MICAL3: variants seen among roughly 807,000 people sequenced by gnomAD.
MICAL3 encodes the protein microtubule associated monooxygenase, calponin and LIM domain containing 3, also known as [F-actin]-monooxygenase MICAL3.
A neutral mutation model predicts 207.4 loss-of-function variants in MICAL3; 62 were observed. The observed-to-expected ratio is 0.30, with a 90% CI of 0.24 to 0.37. The LOEUF (loss-of-function observed/expected upper bound fraction) is 0.37. Among genes scored for constraint, MICAL3 ranks in the 10% least tolerant of loss-of-function variants. The pLI is 1.00. For synonymous variants in MICAL3, 1,077 were observed against 1,069.3 expected (o/e 1.01, Z -0.14); for missense variants, 2,368 against 2,635.6 (o/e 0.90, Z 2.22).
At chr22:17,838,175 T>C (rs1433479531) in intron 20 of MICAL3, among the ~76,000 whole-genome samples, 1 of 152,236 alleles carries the variant, frequency 6.6e-6, no homozygotes, top group Non-Finnish European at 1.5e-5. Flanking sequence ...ATTAAAGTGG[T>C]GTTTCTCAAA....
chr22:18,006,893 G>A (rs1433340776), intron 1 of MICAL3, among the ~76,000 whole-genome samples: 1 of 152,206 alleles, frequency 6.6e-6, no homozygotes, highest in East Asian at 1.9e-4. Context: ...GTCCCTCTCA[G>A]CCACCCGGAC....
intron 19 of MICAL3, among the ~76,000 whole-genome samples, chr22:17,859,776 C>G (rs894935694): frequency 6.6e-6 from 1 of 152,216 alleles, no homozygotes; most frequent in Non-Finnish European, 1.5e-5. Flanking sequence ...GTGCCTGGCT[C>G]TATGTCCCTA....
chr22:17,880,221 C>T (rs1373997502), intron 16 of MICAL3, among the ~76,000 whole-genome samples: 2 of 152,202 alleles, frequency 1.3e-5, no homozygotes, highest in Admixed American at 6.5e-5. Context: ...GCATTGCTTA[C>T]TATGCGGCTC....
At chr22:17,950,337 GTTTTTTTT>G (rs764642603) in intron 1 of MICAL3, among the ~76,000 whole-genome samples, 1,796 of 89,382 alleles carry the variant, frequency 0.02, 49 homozygotes, top group African/African-American at 0.063. Flanking sequence ...TTTTGTTTTT[GTTTTTTTT>G]TTTTTTTTTT....
chr22:17,955,791 G>C (rs1207487035), intron 1 of MICAL3, among the ~76,000 whole-genome samples: 1 of 152,178 alleles, frequency 6.6e-6, no homozygotes, highest in East Asian at 1.9e-4. Flanking sequence ...AGTGGGAGGT[G>C]GAAATAGATC....
At chr22:17,959,439 C>T (rs568087330) in intron 1 of MICAL3, among the ~76,000 whole-genome samples, 2 of 152,182 alleles carry the variant, frequency 1.3e-5, no homozygotes, top group South Asian at 2.1e-4. Context: ...CTCAGCCTCC[C>T]GAGTAGCTGG....
chr22:17,829,394 C>T (rs1052852912), intron 21 of MICAL3, among the ~76,000 whole-genome samples: 3 of 152,160 alleles, frequency 2.0e-5, no homozygotes, highest in Admixed American at 6.5e-5. Context: ...GTCTCAAACT[C>T]CCGATCTCAG....
intron 23 of MICAL3, 121 bp from the exon 24 acceptor site, chr22:17,822,291 G>A: frequency 3.9e-6 from 5 of 1,289,090 alleles, no homozygotes; most frequent in South Asian, 1.5e-5. Context: ...CAGGCCTGGA[G>A]GCCCTTCTTA....
intron 29 of MICAL3, among the ~76,000 whole-genome samples, chr22:17,795,039 G>T (rs755307011): frequency 7.2e-5 from 11 of 152,230 alleles, no homozygotes; most frequent in Non-Finnish European, 4.4e-5. Flanking sequence ...GCAGCTGCAT[G>T]AATACAGGTG....
Position 17,817,724 on chromosome 22 carries a change from C to T in MICAL3, c.4937G>A (p.Arg1646Gln), listed in dbSNP as rs200399949. ...AGTGGGGCGTGTGGGGGAGTCAGGC[C>T]GGCGCTCCTTGCCCTGGGAGGGTGC... is the stretch of plus-strand genomic sequence containing the variant. ...SSAPSQGKER[R>Q]PDSPTRPTLR... Residue 1646 changes from arginine (R) to glutamine (Q), a missense_variant, in exon 26 of 32, where the codon CGG becomes CAG. Transcript: ENST00000441493. 5.7e-6 allele frequency: 9 copies of T among 1,591,256 alleles called. No individual in the cohort carries two copies. Among genetic ancestry groups the T allele is most frequent in the South Asian group, 1.1e-5 (1 of 88,046 alleles).
At chr22:17,978,039 TAATAAAATAA>T (rs1041057843) in intron 1 of MICAL3, among the ~76,000 whole-genome samples, 1 of 140,972 alleles carries the variant, frequency 7.1e-6, no homozygotes, top group Non-Finnish European at 1.5e-5. Flanking sequence ...AATAAATAAA[TAATAAAATAA>T]AATAAAATAA....
chr22:17,861,267 C>T (rs1240394607), intron 19 of MICAL3: 5 of 985,292 alleles, frequency 5.1e-6, no homozygotes, highest in Admixed American at 6.2e-5. Context: ...ATTCAGGATC[C>T]GAACTATGGA....
rs1931363872 is a variant in MICAL3 at position 17,902,032 on chromosome 22, C to A, written c.590-53G>T. The stretch of plus-strand genomic sequence containing the variant: ...GTCACCACCCAGACCACATTCACAG[C>A]CAGGACCATCTCTAGATACCCAGTC... On this transcript the variant is annotated intron_variant, in intron 4 of 31. Coordinates refer to ENST00000441493, the MANE Select transcript of MICAL3 (RefSeq NM_015241.3). The surrounding 1 kb of genome is among the most constrained non-coding windows in gnomAD (Gnocchi z 4.5). The A allele has an allele frequency of 1.6e-5, 21 of 1,297,296 alleles. No individual in the cohort carries two copies. In the South Asian group the frequency reaches 2.7e-4, roughly 17 times the overall value. The allele number at this position is 1,297,296 out of a possible 1,614,324, so 80.4% of individuals were successfully genotyped here.
At chr22:17,950,060 G>C (rs1285542373) in intron 1 of MICAL3, among the ~76,000 whole-genome samples, 2 of 152,208 alleles carry the variant, frequency 1.3e-5, no homozygotes, top group East Asian at 3.8e-4. Flanking sequence ...GAGAAGTGTG[G>C]GCAGTGTGTC....
At position 17,889,209 on chromosome 22, in the gene MICAL3, C is replaced by T. The variant is rs767145962; in HGVS notation, c.1716G>A (p.Glu572=). ...PDLIDFDSLD[E]QNVEKNNQLA... is the part of the protein sequence containing the mutation. The stretch of plus-strand genomic sequence containing the variant: ...GTTGGTTATTCTTCTCCACATTTTG[C>T]TCATCCAAAGAATCAAAATCTCTGA... The change falls in exon 13 of 32, where the codon GAG becomes GAA. Residue 572 remains glutamate, a synonymous_variant. Coordinates refer to ENST00000441493, the MANE Select transcript of MICAL3 (RefSeq NM_015241.3). 5 of 1,612,318 alleles carry T rather than the reference C, an allele frequency of 3.1e-6. No individual in the cohort carries two copies. Among genetic ancestry groups the T allele is most frequent in the Non-Finnish European group, 4.2e-6 (5 of 1,178,504 alleles).
At chr22:18,001,589 A>C (rs1483925259) in intron 1 of MICAL3, 6 of 152,284 alleles carry the variant, frequency 3.9e-5, no homozygotes, top group African/African-American at 1.4e-4. Flanking sequence ...CGGGGGCGAG[A>C]TATCTCAGTA....
In MICAL3 at chr22:17,817,514, C is replaced by T; in HGVS notation, c.5147G>A (p.Gly1716Asp). The T allele has an allele frequency of 6.2e-7, 1 of 1,613,612 alleles. No individual in the cohort carries two copies. The highest frequency in any genetic ancestry group is 2.2e-5 in the East Asian group (1 of 44,882). Residue 1716 changes from glycine (G) to aspartate (D), a missense_variant, in exon 26 of 32, where the codon GGC becomes GAC. Around this residue, in one of 4 missense-constraint regions of MICAL3, gnomAD observed 1,770 missense variants for 1,863.2 expected, o/e 0.95. Transcript: ENST00000441493. The stretch of plus-strand genomic sequence containing the variant: ...GGGCTTCTCCGGGGGCCGGCCCTCG[C>T]CTTTGGACTTCTTCTCCTTCTTGTT... Reference protein sequence around the residue: ...RRNKKEKKSKGEGRPPEKPSS... With the variant: ...RRNKKEKKSKDEGRPPEKPSS...
rs373789696 is a variant in MICAL3 at position 17,790,683 on chromosome 22, C to T, written c.*49G>A. The T allele has an allele frequency of 1.3e-6, 2 of 1,520,782 alleles. No individual in the cohort carries two copies. The highest frequency in any genetic ancestry group is 1.8e-6 in the Non-Finnish European group (2 of 1,125,460). 94.2% of individuals were successfully genotyped at this position (1,520,782 alleles called of 1,614,324 possible). ...GCGGCTCCGGGTGGTTTGGATGCCACTGCCTGGCCAGGCGGATGCCAACAG... is the reference window on the plus strand; with the variant it reads ...GCGGCTCCGGGTGGTTTGGATGCCATTGCCTGGCCAGGCGGATGCCAACAG... On this transcript the variant is annotated 3_prime_UTR_variant, in exon 32 of 32. Transcript: ENST00000441493.
intron 7 of MICAL3, among the ~76,000 whole-genome samples, chr22:17,898,904 C>T (rs1394320102): frequency 6.6e-6 from 1 of 152,172 alleles, no homozygotes; most frequent in Non-Finnish European, 1.5e-5. Flanking sequence ...CTGCCTGGAC[C>T]TCTGAAAACT....
Sources: allele counts gnomAD v4.1 joint callset (sites outside exome capture counted in the v4.1 genomes callset), GRCh38; gene constraint gnomAD v4.1.1; regional missense constraint gnomAD v4.1.1; non-coding constraint Gnocchi (gnomAD v3.1); transcripts MANE v1.5; gene names NCBI Gene and HGNC (gene_info 2026-07-23, HGNC 2026-07-21).